DUOX2: variants seen among roughly 807,000 people sequenced by gnomAD.
DUOX2 encodes dual oxidase 2, also known as NADH/NADPH thyroid oxidase p138-tox.
DUOX2 carries 185 observed loss-of-function variants against 183.3 expected under a neutral mutation model. The observed-to-expected ratio is 1.01, with a 90% confidence interval of 0.90 to 1.14. The LOEUF is 1.14. Ranked by LOEUF, DUOX2 falls within the 50% of genes most tolerant of loss-of-function variation. The pLI is 0.00. For synonymous variants in DUOX2, 788 were observed against 812.4 expected (o/e 0.97, Z 0.51); for missense variants, 1,999 against 2,022.9 (o/e 0.99, Z 0.23).
Position 45,112,097 on chromosome 15 carries a change from A to G in DUOX2, c.326-142T>C, listed in dbSNP as rs1894443088. On this transcript the variant is annotated intron_variant, in intron 4 of 33. Coordinates refer to ENST00000389039, the MANE Select transcript of DUOX2 (RefSeq NM_001363711.2). ...GCCACCAGCTCTGCACGTTAGCCCC[A>G]GGTAGCCTCAATTTTCTAATCTGCA... The G allele has an allele frequency of 4.1e-6, 4 of 969,938 alleles. No homozygotes were observed. In the South Asian group the frequency reaches 6.0e-5, roughly 15 times the overall value. The allele number at this position is 969,938 out of a possible 1,614,324, so 60.1% of individuals were successfully genotyped here. A position where few individuals can be genotyped will look rare whatever the true frequency, so the allele number is the denominator to read the frequency against.
At chr15:45,095,344 G>A in intron 31 of DUOX2, 93 bp downstream of exon 31, 1 of 1,575,120 alleles carries the variant, frequency 6.3e-7, no homozygotes, top group Non-Finnish European at 8.7e-7. Flanking sequence ...TCAGTTCCTG[G>A]AGCCAGGAGC....
intron 31 of DUOX2, 55 bp downstream of exon 31, chr15:45,095,382 G>A (rs745409103): frequency 1.2e-5 from 20 of 1,607,564 alleles, no homozygotes; most frequent in East Asian, 2.2e-5. Flanking sequence ...CACTTGATGC[G>A]GGTCACAATT....
At position 45,111,870 on chromosome 15, in the gene DUOX2, G is replaced by A; in HGVS notation, c.411C>T (p.Asp137=). Residue 137 remains aspartate, a synonymous_variant, in exon 5 of 34, where the codon GAC becomes GAT. Transcript: ENST00000389039. ...CGCGCTGGTCGGGGTCGAACACGGGGTCTCCAGGTGGGATGCGGATGTTGA... is the reference window on the plus strand; with the variant it reads ...CGCGCTGGTCGGGGTCGAACACGGGATCTCCAGGTGGGATGCGGATGTTGA... ...EFLNIRIPPG[D]PVFDPDQRGD... 1 of 1,613,846 alleles carries A rather than the reference G, an allele frequency of 6.2e-7. No homozygotes were observed. The highest frequency in any genetic ancestry group is 8.5e-7 in the Non-Finnish European group (1 of 1,179,996).
In DUOX2 at chr15:45,112,546, G is replaced by A. The variant is rs754256318; in HGVS notation, c.325+8C>T. The A allele has an allele frequency of 1.2e-6, 2 of 1,612,582 alleles. No homozygotes were observed. The highest frequency in any genetic ancestry group is 1.7e-6 in the Non-Finnish European group (2 of 1,179,584). Reference sequence around the variant, plus strand: ...ATCAACCCCACTGGTCTCCCCCTTTGCCCTCACCAAAGAAGACCCCCAGTA... The same window carrying A: ...ATCAACCCCACTGGTCTCCCCCTTTACCCTCACCAAAGAAGACCCCCAGTA... On this transcript the variant is annotated splice_region_variant and intron_variant, in intron 4 of 33. Coordinates refer to ENST00000389039, the MANE Select transcript of DUOX2 (RefSeq NM_001363711.2).
At chr15:45,106,733 C>A (rs1477974602) in intron 15 of DUOX2, 92 bp from the exon 16 acceptor site, 17 of 1,609,336 alleles carry the variant, frequency 1.1e-5, no homozygotes, top group African/African-American at 2.7e-5. Flanking sequence ...CCAGAGGTTC[C>A]TTGAGCCTGG....
rs1894475140 is a variant in DUOX2, at chr15:45,112,717, G to A, written c.162C>T (p.Gly54=). The A allele has an allele frequency of 6.2e-7, 1 of 1,611,022 alleles. No homozygotes were observed. The highest frequency in any genetic ancestry group is 8.5e-7 in the Non-Finnish European group (1 of 1,179,872). The change falls in exon 4 of 34, where the codon GGC becomes GGT. Residue 54 remains glycine, a splice_region_variant and synonymous_variant. Transcript: ENST00000389039. The part of the protein sequence containing the change: ...NLRHHERGAV[G]CRLQRRVPAN... ...CTGGTACGCGGCGCTGCAACCGGCA[G>A]CCTGCGGAGGCAGGGAGCGGGGCTC... is the stretch of plus-strand genomic sequence containing the variant.
At chr15:45,113,223 G>A in intron 2 of DUOX2, 119 bp downstream of exon 2, 1 of 1,450,530 alleles carries the variant, frequency 6.9e-7, no homozygotes, top group Admixed American at 2.0e-5. Flanking sequence ...TTCCCATCCC[G>A]CTGAGCTGCA....
Position 45,095,015 on chromosome 15 carries a change from T to C in DUOX2, c.4316A>G (p.Asn1439Ser). ...CACAGACACCAGGTCCTGGTGGTCGTTCTCCTCCACCTCTTGGATGATGTC... is the reference window on the plus strand; with the variant it reads ...CACAGACACCAGGTCCTGGTGGTCGCTCTCCTCCACCTCTTGGATGATGTC... ...LADIIQEVEE[N>S]DHQDLVSVHI... Residue 1439 changes from asparagine (N) to serine (S), a missense_variant, in exon 32 of 34, where the codon AAC becomes AGC. Physicochemically the swap from Asn to Ser is conservative, Grantham distance 46. Coordinates refer to ENST00000389039, the MANE Select transcript of DUOX2 (RefSeq NM_001363711.2). 6.2e-7 allele frequency: 1 copy of C among 1,614,136 alleles called. No homozygotes were observed. The highest frequency in any genetic ancestry group is 1.1e-5 in the South Asian group (1 of 91,064).
chr15:45,097,977 C>T (rs758958089), intron 27 of DUOX2, 32 bp downstream of exon 27: 1 of 1,611,390 alleles, frequency 6.2e-7, no homozygotes, highest in Admixed American at 1.7e-5. Context: ...CAGAAGTCCT[C>T]AGACAGAACC....
intron 23 of DUOX2, 47 bp downstream of exon 23, chr15:45,100,708 A>T: frequency 4.1e-5 from 62 of 1,509,132 alleles, no homozygotes; most frequent in Non-Finnish European, 5.4e-5. Context: ...GGACCCTAAG[A>T]CTTCTCTCCA....
chr15:45,107,888 A>AAAGAG (rs71114310), intron 13 of DUOX2, among the ~76,000 whole-genome samples, 159 bp downstream of exon 13: 3 of 149,738 alleles, frequency 2.0e-5, no homozygotes, highest in Admixed American at 2.0e-4. Flanking sequence ...AGAAAAAGAA[A>AAAGAG]AAGAGAAGAG....
intron 24 of DUOX2, 41 bp from the exon 25 acceptor site, chr15:45,099,933 C>G: frequency 6.2e-7 from 1 of 1,612,744 alleles, no homozygotes; most frequent in Non-Finnish European, 8.5e-7. Context: ...GCACAGGTGG[C>G]CAAGGTCCCG....
In DUOX2 at chr15:45,114,125, G is replaced by A. The variant is rs1349231204; in HGVS notation, c.-167C>T. ...TCTCACCTTTCTCTCTGGGTCCTTGGTCTCGCCACTGTGCAGGTGTCGGCT... is the reference window on the plus strand; with the variant it reads ...TCTCACCTTTCTCTCTGGGTCCTTGATCTCGCCACTGTGCAGGTGTCGGCT... On this transcript the variant is annotated 5_prime_UTR_variant, in exon 1 of 34. Transcript: ENST00000389039. The A allele has an allele frequency of 1.9e-5, 4 of 216,062 alleles. No homozygotes were observed. The highest frequency in any genetic ancestry group is 3.8e-5 in the Non-Finnish European group (4 of 106,536). 13.4% of individuals were successfully genotyped at this position (216,062 alleles called of 1,614,324 possible).
chr15:45,095,813 C>G lies in DUOX2; in HGVS notation c.4080+15G>C. 6.2e-7 allele frequency: 1 copy of G among 1,610,520 alleles called. No individual in the cohort carries two copies. The highest frequency in any genetic ancestry group is 8.5e-7 in the Non-Finnish European group (1 of 1,177,110). On this transcript the variant is annotated intron_variant, in intron 30 of 33. Coordinates refer to ENST00000389039, the MANE Select transcript of DUOX2 (RefSeq NM_001363711.2). ...GTGCCAGAGGCCCGGAAGCAGGGTT[C>G]CCAGTGACGGGCACCTTTGGGTATC... is the stretch of plus-strand genomic sequence containing the variant.
Position 45,108,791 on chromosome 15 carries a change from G to T in DUOX2, c.1396C>A (p.Gln466Lys). The change falls in exon 12 of 34, where the codon CAG becomes AAG. Residue 466 changes from glutamine (Q) to lysine (K), a missense_variant and splice_region_variant. This residue lies in a region of DUOX2 where 1,628 missense variants were observed against 1,608.6 expected (regional missense o/e 1.01). Coordinates refer to ENST00000389039, the MANE Select transcript of DUOX2 (RefSeq NM_001363711.2). Reference sequence around the variant, plus strand: ...TTATTATCATTACTATTCCTGACCTGGGGGTCCACATTAGGGTTGAGATCA... The same window carrying T: ...TTATTATCATTACTATTCCTGACCTTGGGGTCCACATTAGGGTTGAGATCA... ...WSDLNPNVDP[Q>K]VLEATAALYN... is the part of the protein sequence containing the mutation. 6.2e-7 allele frequency: 1 copy of T among 1,614,184 alleles called. No homozygotes were observed. Among genetic ancestry groups the T allele is most frequent in the South Asian group, 1.1e-5 (1 of 91,070 alleles).
Position 45,094,697 on chromosome 15 carries a change from G to T in DUOX2, c.4396-6C>A. The stretch of plus-strand genomic sequence containing the variant: ...AAGTGCCGCTCGCAGATGTACTGGG[G>T]GCACAGGGGCAGGTCAGACCAAAGA... On this transcript the variant is annotated splice_polypyrimidine_tract_variant and splice_region_variant and intron_variant, in intron 32 of 33. Coordinates refer to ENST00000389039, the MANE Select transcript of DUOX2 (RefSeq NM_001363711.2). 1.9e-6 allele frequency: 3 copies of T among 1,613,924 alleles called. No homozygotes were observed. The highest frequency in any genetic ancestry group is 2.5e-6 in the Non-Finnish European group (3 of 1,179,928).
intron 16 of DUOX2, 29 bp from the exon 17 acceptor site, chr15:45,106,356 T>C: frequency 6.2e-7 from 1 of 1,612,710 alleles, no homozygotes; most frequent in Non-Finnish European, 8.5e-7. Context: ...GGCCGGGTAG[T>C]TCAGCAGATG....
Position 45,101,900 on chromosome 15 carries a change from T to C in DUOX2, c.2744A>G (p.Asp915Gly). ...ESMFRESGFQ[D>G]KEELTWEDFH... ...ATCCTCCCATGTCAGCTCCTCCTTGTCCTGGAATCCCGACTCCCGGAACAT... is the reference window on the plus strand; with the variant it reads ...ATCCTCCCATGTCAGCTCCTCCTTGCCCTGGAATCCCGACTCCCGGAACAT... Residue 915 changes from aspartate (D) to glycine (G), a missense_variant, in exon 21 of 34, where the codon GAC (aspartate) becomes GGC (glycine). Transcript: ENST00000389039. The C allele has an allele frequency of 6.2e-7, 1 of 1,614,190 alleles. No individual in the cohort carries two copies. Among genetic ancestry groups the C allele is most frequent in the Non-Finnish European group, 8.5e-7 (1 of 1,180,042 alleles).
chr15:45,101,239 G>T lies in DUOX2; in HGVS notation c.2887C>A (p.Arg963=), dbSNP rs199783724. 6.2e-7 allele frequency: 1 copy of T among 1,613,688 alleles called. No homozygotes were observed. ...RDIFKQNISC[R]VSFITRTPGE... is the part of the protein sequence containing the mutation. Reference sequence around the variant, plus strand: ...GGTGTCCGAGTGATGAACGAGACTCGACAGCTGATGTTTTGTTTAAAGATA... The same window carrying T: ...GGTGTCCGAGTGATGAACGAGACTCTACAGCTGATGTTTTGTTTAAAGATA... Residue 963 remains arginine, a synonymous_variant, in exon 22 of 34, where the codon CGA becomes AGA. Coordinates refer to ENST00000389039, the MANE Select transcript of DUOX2 (RefSeq NM_001363711.2).
Sources: gnomAD v4.1 joint callset for allele counts (sites outside exome capture counted in the v4.1 genomes callset) on GRCh38, gnomAD v4.1.1 for gene constraint, gnomAD v4.1.1 regional missense constraint, MANE v1.5 for transcripts, NCBI Gene and HGNC (gene_info 2026-07-23, HGNC 2026-07-21) for gene names.